The following CFAP206 variants were observed in gnomAD, a reference collection of about 807,000 sequenced individuals.
The protein encoded by CFAP206 is cilia and flagella associated protein 206.
CFAP206 carries 53 observed loss-of-function variants against 65.4 expected under a neutral mutation model. That is an observed-to-expected ratio of 0.81 (90% CI 0.65 to 1.02). The LOEUF is 1.02. Among genes scored for constraint, CFAP206 ranks in the 50% least tolerant of loss-of-function variants. CFAP206 has a pLI of 0.00. For missense variants in CFAP206, 663 were observed against 753.2 expected (o/e 0.88, Z 1.40); for synonymous variants, 250 against 254.4 (o/e 0.98, Z 0.17).
intron 9 of CFAP206, among the ~76,000 whole-genome samples, chr6:87,429,232 G>GAA (rs75293419): frequency 8.6e-5 from 7 of 81,774 alleles, no homozygotes; most frequent in African/African-American, 1.7e-4. Context: ...ATCTCAAAAA[G>GAA]AAAAAAAAAA....
At position 87,428,621 on chromosome 6, in the gene CFAP206, C is replaced by T. The variant is rs1298616822; in HGVS notation, c.961-5C>T. ...CATTTTGAATATTTTTTTTCTCTTC[C>T]TCAGCCTATCTTCATTGCACTTTCT... On this transcript the variant is annotated splice_region_variant and splice_polypyrimidine_tract_variant and intron_variant, in intron 8 of 12. Coordinates refer to ENST00000369562, the MANE Select transcript of CFAP206 (RefSeq NM_001031743.3). 1 of 1,613,036 alleles carries T rather than the reference C, an allele frequency of 6.2e-7. No individual in the cohort carries two copies.
At chr6:87,426,221 A>G (rs1312754918) in intron 7 of CFAP206, 1 of 158,126 alleles carries the variant, frequency 6.3e-6, no homozygotes, top group African/African-American at 2.4e-5. Flanking sequence ...CAGCTATACA[A>G]AAACGGATTC....
chr6:87,454,441 TA>T (rs1378845102), intron 11 of CFAP206, among the ~76,000 whole-genome samples: 17 of 152,198 alleles, frequency 1.1e-4, no homozygotes, highest in African/African-American at 4.1e-4. Context: ...TTCTTTTCCT[TA>T]GCACATGGAT....
chr6:87,447,947 T>C (rs1208927412), intron 11 of CFAP206, among the ~76,000 whole-genome samples: 1 of 144,494 alleles, frequency 6.9e-6, no homozygotes, highest in African/African-American at 2.6e-5. Context: ...TCTTCTAGAT[T>C]TTCTTTATTA....
intron 11 of CFAP206, among the ~76,000 whole-genome samples, chr6:87,458,150 A>G (rs1288235810): frequency 6.6e-6 from 1 of 152,154 alleles, no homozygotes; most frequent in Non-Finnish European, 1.5e-5. Flanking sequence ...AAAATGGCTT[A>G]TATCAAAAAG....
At chr6:87,445,071 A>G (rs1768420946) in intron 11 of CFAP206, 5 of 508,276 alleles carry the variant, frequency 9.8e-6, no homozygotes, top group Non-Finnish European at 2.0e-5. Context: ...GAATAAGTCA[A>G]TGGCTTTCTA....
At position 87,463,211 on chromosome 6, in the gene CFAP206, C is replaced by T. The variant is rs78375043; in HGVS notation, c.1639-809C>T. Reference sequence around the variant, plus strand: ...ATCTCTCAGGTACTACTGAAATGAGCAATCAAGTTATTTGCTTAGGCAAGA... The same window carrying T: ...ATCTCTCAGGTACTACTGAAATGAGTAATCAAGTTATTTGCTTAGGCAAGA... On this transcript the variant is annotated intron_variant, in intron 12 of 12. Coordinates refer to ENST00000369562, the MANE Select transcript of CFAP206 (RefSeq NM_001031743.3). 8.2e-3 allele frequency among the ~76,000 whole-genome samples: 1,242 copies of T among 152,266 alleles called. 10 individuals are homozygous for T. Among genetic ancestry groups the T allele is most frequent in the Non-Finnish European group, 0.013 (852 of 68,020 alleles).
At position 87,408,030 on chromosome 6, in the gene CFAP206, C is replaced by G. The variant is rs764488935; in HGVS notation, c.-65C>G. On this transcript the variant is annotated 5_prime_UTR_variant, in exon 1 of 13. Coordinates refer to ENST00000369562, the MANE Select transcript of CFAP206 (RefSeq NM_001031743.3). ...GAGCGCCCAACTGCTCCGACCGTCGCGGTGAGGGCCCCAGGACAGAAGCAG... is the reference window on the plus strand; with the variant it reads ...GAGCGCCCAACTGCTCCGACCGTCGGGGTGAGGGCCCCAGGACAGAAGCAG... 862 of 985,566 alleles carry G rather than the reference C, an allele frequency of 8.7e-4. 1 individual carries two copies. The highest frequency in any genetic ancestry group is 1.0e-3 in the Non-Finnish European group (835 of 830,050). 61.1% of individuals were successfully genotyped at this position (985,566 alleles called of 1,614,324 possible). A position where few individuals can be genotyped will look rare whatever the true frequency, so the allele number is the denominator to read the frequency against.
chr6:87,409,994 T>A (rs1488388642), intron 2 of CFAP206, 47 bp downstream of exon 2: 6 of 1,285,200 alleles, frequency 4.7e-6, no homozygotes, highest in Non-Finnish European at 6.7e-6. Flanking sequence ...AGAGGTTTTT[T>A]AAGATGTGGT....
chr6:87,430,207 T>G (rs545787840), intron 9 of CFAP206, among the ~76,000 whole-genome samples: 2 of 152,330 alleles, frequency 1.3e-5, no homozygotes, highest in East Asian at 3.9e-4. Context: ...AGAGGATTTA[T>G]TTTCTCTAAA....
intron 3 of CFAP206, among the ~76,000 whole-genome samples, chr6:87,412,963 C>T (rs2127947181): frequency 6.6e-6 from 1 of 152,278 alleles, no homozygotes; most frequent in East Asian, 1.9e-4. Flanking sequence ...CCAGCTGCAG[C>T]AGCTTTTTAT....
chr6:87,441,187 CT>C, intron 11 of CFAP206: 1 of 301,652 alleles, frequency 3.3e-6, no homozygotes, highest in Non-Finnish European at 5.2e-6. Context: ...TTGGCTGCTT[CT>C]TAGCAAAACT....
At chr6:87,410,481 A>G (rs1405210265) in intron 2 of CFAP206, 104 bp from the exon 3 acceptor site, 5 of 843,662 alleles carry the variant, frequency 5.9e-6, no homozygotes, top group Middle Eastern at 2.8e-4. Flanking sequence ...CGTAATCAAG[A>G]GGTAGTTGTT....
chr6:87,435,094 A>G, intron 11 of CFAP206, 41 bp downstream of exon 11: 1 of 1,396,404 alleles, frequency 7.2e-7, no homozygotes, highest in Non-Finnish European at 9.9e-7. Context: ...GACATTTAAA[A>G]ATATAGTTAA....
At chr6:87,461,189 T>G in intron 12 of CFAP206, 24 bp downstream of exon 12, 1 of 1,468,084 alleles carries the variant, frequency 6.8e-7, no homozygotes. Flanking sequence ...CTTTCTAGAA[T>G]TATTTATATG....
intron 11 of CFAP206, chr6:87,435,839 A>C (rs939801919): frequency 5.3e-5 from 8 of 151,438 alleles, no homozygotes; most frequent in African/African-American, 1.9e-4. Flanking sequence ...TTTTTAAAAA[A>C]CTTTTTTGTA....
intron 11 of CFAP206, among the ~76,000 whole-genome samples, chr6:87,450,569 G>T: frequency 1.2e-5 from 1 of 80,278 alleles, no homozygotes; most frequent in Non-Finnish European, 2.3e-5. Context: ...AGCTACTTAT[G>T]GCAAAAAAAA....
intron 7 of CFAP206, among the ~76,000 whole-genome samples, chr6:87,420,888 C>T (rs995496927): frequency 2.6e-5 from 4 of 152,142 alleles, no homozygotes; most frequent in African/African-American, 9.7e-5. Flanking sequence ...TCTTAACTTT[C>T]TGATTCTCTG....
chr6:87,408,137 C>T, intron 1 of CFAP206, 48 bp downstream of exon 1: 1 of 944,976 alleles, frequency 1.1e-6, no homozygotes, highest in Non-Finnish European at 1.3e-6. Flanking sequence ...GCGTACCCCG[C>T]CAGGCGGCGA....
Sources: allele counts gnomAD v4.1 joint callset (sites outside exome capture counted in the v4.1 genomes callset), GRCh38; gene constraint gnomAD v4.1.1; transcripts MANE v1.5; gene names NCBI Gene and HGNC (gene_info 2026-07-23, HGNC 2026-07-21).